The following RUNX2 variants were observed in gnomAD, a reference collection of about 807,000 sequenced individuals.
RUNX2 encodes RUNX family transcription factor 2, also known as runt-related transcription factor 2.
In RUNX2, 10 loss-of-function variants were observed where a neutral mutation model predicts 51.7. The observed-to-expected ratio is 0.19, with a 90% confidence interval of 0.12 to 0.33. RUNX2 has a LOEUF of 0.33. Among genes scored for constraint, RUNX2 ranks in the 10% least tolerant of loss-of-function variants. The probability of loss-of-function intolerance (pLI) is 1.00; values close to 1 mark genes in which losing one functional copy is unlikely to be tolerated. For missense variants in RUNX2, 562 were observed against 691.3 expected, an observed-to-expected ratio of 0.81 and a Z score of 2.10; for synonymous variants, 276 against 273.6, an observed-to-expected ratio of 1.01 and a Z score of -0.09.
intron 2 of RUNX2, among the ~76,000 whole-genome samples, chr6:45,402,929 TC>T (rs1477858404): frequency 7.2e-5 from 11 of 152,132 alleles, no homozygotes; most frequent in Non-Finnish European, 5.9e-5. Context: ...TATTTAATAG[TC>T]CCTTTTTGGA....
intron 7 of RUNX2, among the ~76,000 whole-genome samples, chr6:45,521,137 A>G (rs1440975616): frequency 6.6e-6 from 1 of 152,164 alleles, no homozygotes; most frequent in African/African-American, 2.4e-5. Context: ...TTTTTGGCAC[A>G]TGGTAGGTGC....
intron 2 of RUNX2, chr6:45,365,338 C>T (rs1794945967): frequency 2.2e-6 from 3 of 1,389,942 alleles, no homozygotes; most frequent in African/African-American, 1.4e-5. Flanking sequence ...ACAAAATGTA[C>T]CTAGCTATAA....
intron 2 of RUNX2, among the ~76,000 whole-genome samples, chr6:45,332,459 T>C (rs1463392063): frequency 6.6e-6 from 1 of 151,844 alleles, no homozygotes; most frequent in Admixed American, 6.6e-5. Context: ...CGTGCATACT[T>C]GAAAATTGAC....
chr6:45,345,691 C>T (rs1790708930), intron 2 of RUNX2, among the ~76,000 whole-genome samples: 1 of 152,144 alleles, frequency 6.6e-6, no homozygotes, highest in East Asian at 1.9e-4. Context: ...TAGGTCTTTC[C>T]ACAGCCAACT....
At chr6:45,412,076 A>G (rs915371090) in intron 2 of RUNX2, among the ~76,000 whole-genome samples, 4 of 152,062 alleles carry the variant, frequency 2.6e-5, no homozygotes, top group African/African-American at 9.7e-5. Flanking sequence ...GGCTGGGCAC[A>G]ATGGCTCACA....
chr6:45,543,136 G>A (rs1187267313), intron 7 of RUNX2, among the ~76,000 whole-genome samples: 1 of 152,122 alleles, frequency 6.6e-6, no homozygotes, highest in East Asian at 1.9e-4. Flanking sequence ...CATGTTTATT[G>A]TATAGTGTAT....
intron 5 of RUNX2, among the ~76,000 whole-genome samples, chr6:45,457,250 CT>C (rs1218888805): frequency 6.6e-6 from 1 of 152,082 alleles, no homozygotes; most frequent in Non-Finnish European, 1.5e-5. Flanking sequence ...AAAACATTGC[CT>C]TTTTAGTGTA....
At position 45,424,658 on chromosome 6, in the gene RUNX2, A is replaced by G. The variant is rs577131212; in HGVS notation, c.423+1701A>G. 3.9e-5 allele frequency among the ~76,000 whole-genome samples: 6 copies of G among 152,256 alleles called. No individual in the cohort carries two copies. The East Asian group carries it at 1.2e-3, about 29-fold the overall frequency. Reference sequence around the variant, plus strand: ...TTGATCACCCCCACCCCACGCACCAATTCAGATTCCGTGTGTGGGTGGGAT... The same window carrying G: ...TTGATCACCCCCACCCCACGCACCAGTTCAGATTCCGTGTGTGGGTGGGAT... On this transcript the variant is annotated intron_variant, in intron 3 of 8. Coordinates refer to ENST00000647337, the MANE Select transcript of RUNX2 (RefSeq NM_001024630.4).
At chr6:45,340,728 G>C (rs1454812197) in intron 2 of RUNX2, among the ~76,000 whole-genome samples, 2 of 152,050 alleles carry the variant, frequency 1.3e-5, no homozygotes, top group Non-Finnish European at 2.9e-5. Context: ...TATACTCTAT[G>C]TGATATAAAA....
chr6:45,374,251 A>G (rs1796478095), intron 2 of RUNX2, among the ~76,000 whole-genome samples: 1 of 152,226 alleles, frequency 6.6e-6, no homozygotes, highest in African/African-American at 2.4e-5. Context: ...CAACCCACAT[A>G]ACATCTCAGA....
chr6:45,468,581 G>A (rs1287770377), intron 5 of RUNX2, among the ~76,000 whole-genome samples: 3 of 152,020 alleles, frequency 2.0e-5, no homozygotes. Flanking sequence ...CTTTGTCTTT[G>A]GTTTCTAGAT....
intron 4 of RUNX2, among the ~76,000 whole-genome samples, chr6:45,434,119 A>G (rs1798616871): frequency 6.6e-6 from 1 of 152,162 alleles, no homozygotes; most frequent in Non-Finnish European, 1.5e-5. Context: ...CTGCATTAAC[A>G]TTGTATGAAA....
At chr6:45,487,765 G>A (rs971004818) in intron 5 of RUNX2, among the ~76,000 whole-genome samples, 1 of 152,188 alleles carries the variant, frequency 6.6e-6, no homozygotes, top group Non-Finnish European at 1.5e-5. Flanking sequence ...TCTGTAGCAG[G>A]CACTGAACTA....
intron 2 of RUNX2, among the ~76,000 whole-genome samples, chr6:45,369,703 A>C (rs1409083208): frequency 6.6e-6 from 1 of 152,198 alleles, no homozygotes; most frequent in East Asian, 1.9e-4. Context: ...ACTACAGGCC[A>C]AACACCGTTC....
At chr6:45,506,382 T>C (rs1800967444) in intron 6 of RUNX2, among the ~76,000 whole-genome samples, 1 of 152,256 alleles carries the variant, frequency 6.6e-6, no homozygotes, top group Non-Finnish European at 1.5e-5. Context: ...CTATTTTAGG[T>C]GGCAGGAGAG....
At chr6:45,454,075 G>C (rs1799252992) in intron 5 of RUNX2, among the ~76,000 whole-genome samples, 1 of 152,178 alleles carries the variant, frequency 6.6e-6, no homozygotes, top group South Asian at 2.1e-4. Flanking sequence ...TTTCATTCTA[G>C]ATTGTGTTGG....
chr6:45,450,929 A>G (rs531123829), intron 5 of RUNX2, among the ~76,000 whole-genome samples: 1 of 152,270 alleles, frequency 6.6e-6, no homozygotes, highest in East Asian at 1.9e-4. Context: ...AGGAGCACAA[A>G]AGGACTCTTC....
intron 7 of RUNX2, 26 bp downstream of exon 7, chr6:45,512,433 T>C (rs751231113): frequency 2.5e-6 from 4 of 1,612,958 alleles, no homozygotes; most frequent in African/African-American, 1.3e-5. Context: ...TAACTAAAAA[T>C]CCATCCCTGC....
intron 2 of RUNX2, among the ~76,000 whole-genome samples, chr6:45,374,708 G>A (rs1454958608): frequency 6.6e-6 from 1 of 152,060 alleles, no homozygotes; most frequent in Non-Finnish European, 1.5e-5. Flanking sequence ...CACCTGATTT[G>A]ACTGACATAG....
Sources: allele counts gnomAD v4.1 joint callset (sites outside exome capture counted in the v4.1 genomes callset), GRCh38; gene constraint gnomAD v4.1.1; transcripts MANE v1.5; gene names NCBI Gene and HGNC (gene_info 2026-07-23, HGNC 2026-07-21).